SLC25A27: variants seen among roughly 807,000 people sequenced by gnomAD.
The protein encoded by SLC25A27 is mitochondrial uncoupling protein 4.
Under a neutral mutation model 49.1 loss-of-function variants are expected in SLC25A27, and 35 were observed. The ratio of observed to expected loss-of-function variants is 0.71; its 90% CI spans 0.54 to 0.95. SLC25A27 has a LOEUF of 0.95. Among genes scored for constraint, SLC25A27 ranks in the 40% least tolerant of loss-of-function variants. SLC25A27 has a pLI of 0.00. For synonymous variants in SLC25A27, 144 were observed against 136.9 expected, an observed-to-expected ratio of 1.05 and a Z score of -0.36; for missense variants, 339 against 397.1, an observed-to-expected ratio of 0.85 and a Z score of 1.24.
At chr6:46,665,684 T>G (rs1321031074) in intron 5 of SLC25A27, among the ~76,000 whole-genome samples, 1 of 151,700 alleles carries the variant, frequency 6.6e-6, no homozygotes, top group African/African-American at 2.4e-5. Context: ...AGACTCCATC[T>G]CAAAAGAAAA....
At chr6:46,658,430 A>T in intron 2 of SLC25A27, 1 of 400,050 alleles carries the variant, frequency 2.5e-6, no homozygotes, top group African/African-American at 2.1e-5. Flanking sequence ...TACAGCTAAG[A>T]TTCATTTCAT....
At chr6:46,666,795 A>C (rs1174402242) in intron 5 of SLC25A27, among the ~76,000 whole-genome samples, 2 of 152,068 alleles carry the variant, frequency 1.3e-5, no homozygotes, top group Non-Finnish European at 2.9e-5. Context: ...TACATTCTTC[A>C]TAATTTCAAA....
At chr6:46,658,929 A>C in intron 2 of SLC25A27, 33 bp from the exon 3 acceptor site, 1 of 1,484,870 alleles carries the variant, frequency 6.7e-7, no homozygotes, top group Non-Finnish European at 9.4e-7. Context: ...ACATATAGCC[A>C]AAGTTACCTT....
intron 4 of SLC25A27, among the ~76,000 whole-genome samples, chr6:46,664,119 G>A (rs1484309420): frequency 6.6e-6 from 1 of 152,148 alleles, no homozygotes; most frequent in African/African-American, 2.4e-5. Context: ...AAGTGGTGAA[G>A]GTGGCATGTG....
chr6:46,660,224 C>CTGTGTGTGTGTGTG (rs1293267506), intron 3 of SLC25A27, among the ~76,000 whole-genome samples: 6 of 22,918 alleles, frequency 2.6e-4, no homozygotes, highest in South Asian at 2.1e-3. Context: ...TTCTTCACCT[C>CTGTGTGTGTGTGTG]TGTGTCTGTG....
chr6:46,678,030 TTATATATATATATA>T lies in SLC25A27; in HGVS notation c.*1598_*1611del, dbSNP rs67622673. On this transcript the variant is annotated 3_prime_UTR_variant, in exon 9 of 9. Transcript: ENST00000371347. ...CAATATGTAATTGCGTTGTAAAATA[TTATATATATATATA>T]TATATATATATATATATATATGCTT... 3.5e-4 allele frequency: 35 copies of T among 100,668 alleles called. 1 individual carries two copies. The highest frequency in any genetic ancestry group is 7.9e-4 in the African/African-American group (20 of 25,284). 6.2% of individuals were successfully genotyped at this position (100,668 alleles called of 1,614,324 possible).
intron 5 of SLC25A27, among the ~76,000 whole-genome samples, chr6:46,667,641 G>A (rs58612564): frequency 7.0e-4 from 107 of 152,210 alleles, no homozygotes; most frequent in African/African-American, 2.6e-3. Flanking sequence ...GCTATCTACA[G>A]GGTTGTTTTC....
At chr6:46,667,704 C>T (rs535006834) in intron 5 of SLC25A27, among the ~76,000 whole-genome samples, 2 of 151,324 alleles carry the variant, frequency 1.3e-5, no homozygotes, top group Non-Finnish European at 3.0e-5. Context: ...GAGGTCTTGC[C>T]TGATCACCCA....
At chr6:46,659,304 T>C (rs763818906) in intron 3 of SLC25A27, among the ~76,000 whole-genome samples, 6 of 152,220 alleles carry the variant, frequency 3.9e-5, no homozygotes, top group Admixed American at 2.6e-4. Flanking sequence ...TTTTTATTCC[T>C]CTTTTTATTA....
chr6:46,673,862 G>C (rs1763653303), intron 8 of SLC25A27, among the ~76,000 whole-genome samples: 1 of 152,164 alleles, frequency 6.6e-6, no homozygotes, highest in Non-Finnish European at 1.5e-5. Context: ...TGCATTGAAA[G>C]CTAGGATGTA....
At chr6:46,668,613 A>G in intron 5 of SLC25A27, 96 bp from the exon 6 acceptor site, 1 of 706,806 alleles carries the variant, frequency 1.4e-6, no homozygotes, top group Non-Finnish European at 2.6e-6. Flanking sequence ...GGTAGCTTTC[A>G]TCCTGGTACA....
In SLC25A27 at chr6:46,652,975, G is replaced by A; in HGVS notation, c.-218G>A. 1 of 585,600 alleles carries A rather than the reference G, an allele frequency of 1.7e-6. No homozygotes were observed. The highest frequency in any genetic ancestry group is 3.0e-6 in the Non-Finnish European group (1 of 330,046). 36.3% of individuals were successfully genotyped at this position (585,600 alleles called of 1,614,324 possible). ...GCCCAGTAACCTCCTGGGCTCCGCT[G>A]TGTTTTTCTATTCTGGGGTGTAAGG... is the stretch of plus-strand genomic sequence containing the variant. On this transcript the variant is annotated 5_prime_UTR_variant, in exon 1 of 9. The change creates a new upstream start codon in the 5' untranslated region. Coordinates refer to ENST00000371347, the MANE Select transcript of SLC25A27 (RefSeq NM_004277.5).
chr6:46,668,092 C>T (rs901677447), intron 5 of SLC25A27, among the ~76,000 whole-genome samples: 1 of 152,204 alleles, frequency 6.6e-6, no homozygotes, highest in Admixed American at 6.5e-5. Context: ...TGCCTATAAT[C>T]CCAGCACTTT....
intron 8 of SLC25A27, 91 bp from the exon 9 acceptor site, chr6:46,676,292 T>C: frequency 3.2e-6 from 4 of 1,230,898 alleles, no homozygotes; most frequent in Non-Finnish European, 4.6e-6. Flanking sequence ...GGTTGCAAAA[T>C]GACTTTGTCA....
chr6:46,657,922 A>C (rs1310197530), intron 2 of SLC25A27, among the ~76,000 whole-genome samples: 1 of 152,190 alleles, frequency 6.6e-6, no homozygotes, highest in Non-Finnish European at 1.5e-5. Flanking sequence ...GGTTGCAACT[A>C]TGCCAGTTAG....
At chr6:46,664,126 T>A (rs1763250210) in intron 4 of SLC25A27, among the ~76,000 whole-genome samples, 1 of 152,196 alleles carries the variant, frequency 6.6e-6, no homozygotes, top group Admixed American at 6.5e-5. Context: ...GAAGGTGGCA[T>A]GTGACTTCAG....
intron 2 of SLC25A27, chr6:46,658,674 G>T: frequency 2.4e-6 from 1 of 421,370 alleles, no homozygotes; most frequent in Non-Finnish European, 4.4e-6. Flanking sequence ...TGAAAAACAT[G>T]TTTTTGAGTT....
intron 8 of SLC25A27, among the ~76,000 whole-genome samples, chr6:46,671,476 G>T (rs986318503): frequency 6.6e-6 from 1 of 151,782 alleles, no homozygotes; most frequent in African/African-American, 2.4e-5. Context: ...TTGTTATAAA[G>T]CCAGTAAATA....
chr6:46,665,403 C>T (rs1763288111), intron 5 of SLC25A27, among the ~76,000 whole-genome samples: 1 of 152,108 alleles, frequency 6.6e-6, no homozygotes, highest in Non-Finnish European at 1.5e-5. Context: ...TTTTTCCCCT[C>T]CGCCGGGTGC....
Sources: allele counts gnomAD v4.1 joint callset (sites outside exome capture counted in the v4.1 genomes callset), GRCh38; gene constraint gnomAD v4.1.1; transcripts MANE v1.5; gene names NCBI Gene and HGNC (gene_info 2026-07-23, HGNC 2026-07-21).